The following PDE7B variants were observed in gnomAD, a reference collection of about 807,000 sequenced individuals.
PDE7B encodes the protein phosphodiesterase 7B, also known as 3',5'-cyclic-AMP phosphodiesterase 7B.
PDE7B carries 29 observed loss-of-function variants against 56.2 expected under a neutral mutation model. That is an observed-to-expected ratio of 0.52 (90% CI 0.38 to 0.70). The LOEUF (loss-of-function observed/expected upper bound fraction) is 0.70. PDE7B is among the 30% of genes least tolerant of loss of function. PDE7B has a pLI of 0.00. For missense variants in PDE7B, 490 were observed against 565.0 expected (o/e 0.87, Z 1.35); for synonymous variants, 197 against 196.9 (o/e 1.00, Z 0.00).
intron 2 of PDE7B, among the ~76,000 whole-genome samples, chr6:136,058,563 G>A (rs980692908): frequency 1.3e-5 from 2 of 152,166 alleles, no homozygotes; most frequent in African/African-American, 4.8e-5. Flanking sequence ...AATTATCTGA[G>A]TTTTGGATGT....
chr6:136,036,985 T>C (rs771145055), intron 2 of PDE7B, among the ~76,000 whole-genome samples: 1 of 152,204 alleles, frequency 6.6e-6, no homozygotes, highest in Non-Finnish European at 1.5e-5. Context: ...TTTTGTTGAA[T>C]TGGTTCTTAC....
intron 7 of PDE7B, among the ~76,000 whole-genome samples, chr6:136,155,118 A>G (rs957847491): frequency 6.6e-6 from 1 of 152,194 alleles, no homozygotes; most frequent in Non-Finnish European, 1.5e-5. Context: ...ATTCTCATAC[A>G]TTCTCCCACT....
intron 8 of PDE7B, among the ~76,000 whole-genome samples, chr6:136,156,541 A>T (rs1439375596): frequency 6.6e-6 from 1 of 151,988 alleles, no homozygotes; most frequent in African/African-American, 2.4e-5. Flanking sequence ...GACTAGGGAG[A>T]AATTGGGGTA....
chr6:136,149,150 G>T lies in PDE7B; in HGVS notation c.382G>T (p.Gly128Ter). 6.3e-7 allele frequency: 1 copy of T among 1,597,398 alleles called. No homozygotes were observed. Among genetic ancestry groups the T allele is most frequent in the Non-Finnish European group, 8.6e-7 (1 of 1,164,802 alleles). Residue 128 changes from glycine to a stop codon, truncating the protein, a stop_gained and splice_region_variant, in exon 5 of 13, where the codon GGA (glycine) becomes TGA (stop). Transcript: ENST00000308191. LOFTEE classifies it high-confidence loss of function. ...DIFLFDRLTN[G>*]NSLVTLLCHL... ...TTTCTTGTTTGATCGCTTGACAAAT[G>T]GTAAGTTACCCAAAAGAATTCTCAC... is the stretch of plus-strand genomic sequence containing the variant.
At chr6:136,010,453 T>C (rs1775873032) in intron 2 of PDE7B, among the ~76,000 whole-genome samples, 1 of 150,030 alleles carries the variant, frequency 6.7e-6, no homozygotes, top group South Asian at 2.1e-4. Flanking sequence ...TTACTCAGGC[T>C]GGAGTGCAGT....
At chr6:136,178,342 T>G (rs1779012264) in intron 9 of PDE7B, among the ~76,000 whole-genome samples, 1 of 152,238 alleles carries the variant, frequency 6.6e-6, no homozygotes, top group South Asian at 2.1e-4. Context: ...ATTTTACAAA[T>G]ATTTATGGAT....
intron 3 of PDE7B, among the ~76,000 whole-genome samples, chr6:136,145,516 T>TC (rs1282129597): frequency 2.6e-5 from 4 of 152,310 alleles, no homozygotes; most frequent in South Asian, 4.1e-4. Context: ...CTAGAAGTGC[T>TC]CGTTGCTACT....
chr6:136,009,104 G>A (rs1250678061), intron 2 of PDE7B, among the ~76,000 whole-genome samples: 2 of 151,278 alleles, frequency 1.3e-5, no homozygotes, highest in Non-Finnish European at 2.9e-5. Context: ...CCTTTCCCCA[G>A]TTCTTGTTTT....
At chr6:136,146,475 GA>G (rs1444980827) in intron 3 of PDE7B, among the ~76,000 whole-genome samples, 7 of 152,192 alleles carry the variant, frequency 4.6e-5, no homozygotes, top group Non-Finnish European at 8.8e-5. Context: ...CAGTAAGAGA[GA>G]ATACACCATT....
At chr6:135,913,775 T>A (rs1192851620) in intron 1 of PDE7B, among the ~76,000 whole-genome samples, 1 of 152,206 alleles carries the variant, frequency 6.6e-6, no homozygotes, top group African/African-American at 2.4e-5. Context: ...TGAAAGAATA[T>A]GCATTATTTT....
At chr6:135,942,567 T>C (rs1351469429) in intron 1 of PDE7B, among the ~76,000 whole-genome samples, 1 of 152,166 alleles carries the variant, frequency 6.6e-6, no homozygotes, top group Admixed American at 6.5e-5. Context: ...GTTGCCGTGT[T>C]GTACAATAGA....
chr6:136,052,617 G>GCCCCCCCC (rs11400308), intron 2 of PDE7B, among the ~76,000 whole-genome samples: 78 of 142,742 alleles, frequency 5.5e-4, no homozygotes, highest in African/African-American at 9.1e-4. Flanking sequence ...TTAGGGTACA[G>GCCCCCCCC]CCCCCCCCCA....
intron 3 of PDE7B, among the ~76,000 whole-genome samples, chr6:136,125,249 TTTTTTATTGATACTAA>T (rs1778002795): frequency 6.6e-6 from 1 of 152,180 alleles, no homozygotes; most frequent in Non-Finnish European, 1.5e-5. Context: ...GTCAAATCTG[TTTTTTATTGATACTAA>T]TTTTATATAA....
chr6:135,903,887 T>C (rs998522127), intron 1 of PDE7B, among the ~76,000 whole-genome samples: 9 of 152,208 alleles, frequency 5.9e-5, no homozygotes, highest in African/African-American at 1.9e-4. Context: ...TCTGTAAACA[T>C]TAGAAGGTGA....
chr6:135,948,430 C>A (rs1054991832), intron 2 of PDE7B, among the ~76,000 whole-genome samples: 18 of 151,924 alleles, frequency 1.2e-4, no homozygotes, highest in African/African-American at 4.3e-4. Context: ...TCTATTTACT[C>A]TGCCCACTTC....
intron 2 of PDE7B, among the ~76,000 whole-genome samples, chr6:135,960,436 G>T (rs1044922342): frequency 2.0e-5 from 3 of 152,202 alleles, no homozygotes; most frequent in Non-Finnish European, 4.4e-5. Flanking sequence ...ACATTAGTAA[G>T]TATGAACCAA....
chr6:136,183,595 CAAAAAAAA>C (rs59123124), intron 11 of PDE7B, among the ~76,000 whole-genome samples: 1 of 66,210 alleles, frequency 1.5e-5, no homozygotes, highest in African/African-American at 4.0e-5. Flanking sequence ...GACTCTGTCT[CAAAAAAAA>C]AAAAAAAAAG....
At chr6:136,001,067 G>T (rs180915951) in intron 2 of PDE7B, among the ~76,000 whole-genome samples, 42 of 152,198 alleles carry the variant, frequency 2.8e-4, no homozygotes, top group Admixed American at 1.1e-3. Flanking sequence ...TGCAGCCACC[G>T]CTGCTGATAT....
At chr6:136,158,461 G>A (rs547308230) in intron 8 of PDE7B, among the ~76,000 whole-genome samples, 10 of 152,312 alleles carry the variant, frequency 6.6e-5, no homozygotes, top group South Asian at 2.1e-4. Flanking sequence ...CACCCTGTGC[G>A]TGACTTTGCC....
Sources: gnomAD v4.1 joint callset for allele counts (sites outside exome capture counted in the v4.1 genomes callset) on GRCh38, gnomAD v4.1.1 for gene constraint, MANE v1.5 for transcripts, NCBI Gene and HGNC (gene_info 2026-07-23, HGNC 2026-07-21) for gene names.